Variants in RGS7 observed in about 807,000 individuals in gnomAD.
RGS7 encodes the protein regulator of G protein signaling 7, also known as regulator of G-protein signaling 7.
Under a neutral mutation model 81.1 loss-of-function variants are expected in RGS7, and 27 were observed. The ratio of observed to expected loss-of-function variants is 0.33; its 90% CI spans 0.25 to 0.46. RGS7 has a LOEUF of 0.46. Ranked by LOEUF, RGS7 falls within the 20% of genes least tolerant of loss-of-function variation. The pLI is 1.00. For missense variants in RGS7, 396 were observed against 607.4 expected, an observed-to-expected ratio of 0.65 and a Z score of 3.66; for synonymous variants, 208 against 207.7, an observed-to-expected ratio of 1.00 and a Z score of -0.01.
At chr1:241,255,133 T>C (rs1204585687) in intron 2 of RGS7, among the ~76,000 whole-genome samples, 1 of 152,220 alleles carries the variant, frequency 6.6e-6, no homozygotes, top group Non-Finnish European at 1.5e-5. Context: ...GATTATGTCA[T>C]TACTAGTGGG....
intron 9 of RGS7, among the ~76,000 whole-genome samples, chr1:240,848,770 C>A (rs1659562565): frequency 6.6e-6 from 1 of 152,022 alleles, no homozygotes; most frequent in African/African-American, 2.4e-5. Flanking sequence ...AAACTCAATT[C>A]TCCCAAGTTT....
At chr1:240,968,693 G>C (rs1226787293) in intron 4 of RGS7, among the ~76,000 whole-genome samples, 2 of 152,262 alleles carry the variant, frequency 1.3e-5, no homozygotes, top group Middle Eastern at 3.4e-3. Context: ...TTACTGTACA[G>C]CAGGAACCTG....
chr1:241,090,186 T>C (rs980368273), intron 3 of RGS7, among the ~76,000 whole-genome samples: 5 of 152,014 alleles, frequency 3.3e-5, no homozygotes, highest in African/African-American at 1.2e-4. Context: ...TGGAGACTAG[T>C]TAGGAATCAA....
intron 3 of RGS7, among the ~76,000 whole-genome samples, chr1:241,046,900 T>C (rs114860318): frequency 0.014 from 2,114 of 152,192 alleles, 44 homozygotes; most frequent in African/African-American, 0.048. Context: ...TCATAAATGT[T>C]ACGTTCTACT....
intron 3 of RGS7, among the ~76,000 whole-genome samples, chr1:241,040,826 A>C (rs2060578409): frequency 6.6e-6 from 1 of 152,092 alleles, no homozygotes; most frequent in Admixed American, 6.5e-5. Context: ...ACAAACGAAA[A>C]GCTTTCTATT....
chr1:240,941,511 T>C (rs747441240), intron 4 of RGS7, among the ~76,000 whole-genome samples: 6 of 152,090 alleles, frequency 3.9e-5, no homozygotes, highest in Admixed American at 6.6e-5. Flanking sequence ...AGGACATTTA[T>C]GAGTAAATGA....
At chr1:241,277,914 T>C (rs1397183856) in intron 2 of RGS7, among the ~76,000 whole-genome samples, 1 of 152,234 alleles carries the variant, frequency 6.6e-6, no homozygotes, top group Non-Finnish European at 1.5e-5. Context: ...GTTGCATCTT[T>C]AGTTTTTCTC....
In RGS7 at chr1:241,043,657, TATA is replaced by T. The variant is rs1476498684; in HGVS notation, c.175+55006_175+55008del. Among the ~76,000 whole-genome samples the T allele has an allele frequency of 1.4e-4, 21 of 145,836 alleles. No individual in the cohort carries two copies. The East Asian group carries it at 1.6e-3, about 11-fold the overall frequency. On this transcript the variant is annotated intron_variant, in intron 3 of 18. Transcript: ENST00000440928. ...ATATTATAATACATAGTTATATTTA[TATA>T]ATATTATGTTATATCTATATATAGA...
chr1:241,182,723 A>C (rs2071733328), intron 2 of RGS7, among the ~76,000 whole-genome samples: 1 of 145,856 alleles, frequency 6.9e-6, no homozygotes, highest in East Asian at 2.0e-4. Context: ...ATCTCGGCTC[A>C]GTGCAACCTC....
chr1:240,864,243 A>G lies in RGS7; in HGVS notation c.609+4344T>C, dbSNP rs1662801810. ...ATACTGATATAGAATAAAAGGTATC[A>G]TTACATGATACCTTTCTATATTATA... On this transcript the variant is annotated intron_variant, in intron 9 of 18. Transcript: ENST00000440928. Among the ~76,000 whole-genome samples, 3 of 152,324 alleles carry G rather than the reference A, an allele frequency of 2.0e-5. No homozygotes were observed. The South Asian group carries it at 6.2e-4, about 32-fold the overall frequency.
At chr1:241,223,971 A>G (rs1573217444) in intron 2 of RGS7, among the ~76,000 whole-genome samples, 2 of 150,982 alleles carry the variant, frequency 1.3e-5, no homozygotes, top group East Asian at 4.0e-4. Flanking sequence ...TTCTAATCCT[A>G]AGATTTTATC....
intron 2 of RGS7, among the ~76,000 whole-genome samples, chr1:241,288,186 T>C (rs1267492206): frequency 6.6e-6 from 1 of 152,246 alleles, no homozygotes; most frequent in Non-Finnish European, 1.5e-5. Context: ...CATTGGCAGA[T>C]ATGTTTCACG....
chr1:241,199,939 T>C (rs543337426), intron 2 of RGS7, among the ~76,000 whole-genome samples: 15 of 152,170 alleles, frequency 9.9e-5, no homozygotes, highest in Non-Finnish European at 1.9e-4. Flanking sequence ...AGCATTTAGA[T>C]CCTTCATCTG....
At chr1:241,032,086 T>C (rs2148731860) in intron 3 of RGS7, among the ~76,000 whole-genome samples, 1 of 152,378 alleles carries the variant, frequency 6.6e-6, no homozygotes, top group African/African-American at 2.4e-5. Flanking sequence ...CCAGGTTTAC[T>C]TCTAGTATTT....
intron 18 of RGS7, among the ~76,000 whole-genome samples, chr1:240,777,267 A>T (rs1233550150): frequency 6.7e-6 from 1 of 150,070 alleles, no homozygotes; most frequent in African/African-American, 2.5e-5. Flanking sequence ...GGGTGACAAG[A>T]GCGAGACTCT....
At chr1:240,802,257 T>TTTCTC (rs1158265688) in intron 16 of RGS7, among the ~76,000 whole-genome samples, 3 of 152,150 alleles carry the variant, frequency 2.0e-5, no homozygotes, top group African/African-American at 7.2e-5. Context: ...ATGTCCAGAT[T>TTTCTC]TTCTCTTCCC....
At position 241,327,109 on chromosome 1, in the gene RGS7, A is replaced by G. The variant is rs1279052722; in HGVS notation, c.78+28590T>C. ...AAGAAAGAAAGAAAGAAAGAAAGAAAGAAAGAAAGAAAGAAAGAAAGAAAG... is the reference window on the plus strand; with the variant it reads ...AAGAAAGAAAGAAAGAAAGAAAGAAGGAAAGAAAGAAAGAAAGAAAGAAAG... On this transcript the variant is annotated intron_variant, in intron 2 of 18. Transcript: ENST00000440928. Among the ~76,000 whole-genome samples the G allele has an allele frequency of 2.0e-3, 207 of 105,756 alleles. 8 individuals carry two copies. Among genetic ancestry groups the G allele is most frequent in the African/African-American group, 6.6e-3 (186 of 28,344 alleles). The allele number at this position is 105,756 out of a possible 152,430, so 69.4% of individuals were successfully genotyped here.
At chr1:240,879,345 G>C (rs1028972568) in intron 6 of RGS7, among the ~76,000 whole-genome samples, 14 of 152,074 alleles carry the variant, frequency 9.2e-5, no homozygotes, top group Admixed American at 4.6e-4. Context: ...TATTTGCCTG[G>C]TATATCTTTG....
chr1:240,841,283 T>G (rs978852040), intron 9 of RGS7, among the ~76,000 whole-genome samples: 1 of 152,232 alleles, frequency 6.6e-6, no homozygotes. Flanking sequence ...AGCAGGCCTC[T>G]CTGTCCCTGC....
Sources: allele counts gnomAD v4.1 joint callset (sites outside exome capture counted in the v4.1 genomes callset), GRCh38; gene constraint gnomAD v4.1.1; transcripts MANE v1.5; gene names NCBI Gene and HGNC (gene_info 2026-07-23, HGNC 2026-07-21).